The following FSTL1 variants were observed in gnomAD, a reference collection of about 807,000 sequenced individuals.
The protein encoded by FSTL1 is follistatin like 1.
Under a neutral mutation model 45.9 loss-of-function variants are expected in FSTL1, and 24 were observed. The ratio of observed to expected loss-of-function variants is 0.52; its 90% CI spans 0.38 to 0.74. The LOEUF (loss-of-function observed/expected upper bound fraction) is 0.74. Among genes scored for constraint, FSTL1 ranks in the 30% least tolerant of loss-of-function variants. The probability of loss-of-function intolerance (pLI) is 0.00; values close to 1 mark genes in which losing one functional copy is unlikely to be tolerated. For missense variants in FSTL1, 340 were observed against 381.8 expected (o/e 0.89, Z 0.91); for synonymous variants, 120 against 137.6 (o/e 0.87, Z 0.89).
chr3:120,413,990 C>T (rs1326066815), intron 3 of FSTL1, among the ~76,000 whole-genome samples: 2 of 151,914 alleles, frequency 1.3e-5, no homozygotes, highest in African/African-American at 4.8e-5. Flanking sequence ...GCTGTGTTGG[C>T]CAGGCCGGTC....
chr3:120,423,912 T>TCC (rs1225858043), intron 2 of FSTL1: 5,011 of 152,334 alleles, frequency 0.033, 178 homozygotes, highest in African/African-American at 0.091. Context: ...CTGCCCTGAA[T>TCC]TAGCTTGTTA....
chr3:120,403,430 C>T lies in FSTL1; in HGVS notation c.582-76G>A, dbSNP rs1936867352. 4 of 874,958 alleles carry T rather than the reference C, an allele frequency of 4.6e-6. No individual in the cohort carries two copies. The East Asian group carries it at 9.7e-5, about 21-fold the overall frequency. The allele number at this position is 874,958 out of a possible 1,614,324, so 54.2% of individuals were successfully genotyped here. On this transcript the variant is annotated intron_variant, in intron 7 of 10. Transcript: ENST00000295633. The stretch of plus-strand genomic sequence containing the variant: ...GAAGAAAGGAAGTAAGCATCAGGAC[C>T]ACATACACCCAGGGCCTCCACAGGA...
At chr3:120,399,516 C>T (rs935258524) in intron 10 of FSTL1, among the ~76,000 whole-genome samples, 3 of 152,166 alleles carry the variant, frequency 2.0e-5, no homozygotes, top group Admixed American at 2.0e-4. Context: ...ACAGAGCCTG[C>T]TTTCAGGAGC....
At chr3:120,434,760 C>T (rs1383842664) in intron 2 of FSTL1, among the ~76,000 whole-genome samples, 1 of 152,120 alleles carries the variant, frequency 6.6e-6, no homozygotes, top group African/African-American at 2.4e-5. Context: ...GAATTCAAGC[C>T]ATAACAACAA....
At chr3:120,434,532 T>C (rs1307525354) in intron 2 of FSTL1, among the ~76,000 whole-genome samples, 1 of 152,242 alleles carries the variant, frequency 6.6e-6, no homozygotes, top group Non-Finnish European at 1.5e-5. Flanking sequence ...GAAATATTTA[T>C]GGCCTTTTTT....
intron 3 of FSTL1, among the ~76,000 whole-genome samples, chr3:120,412,711 A>C (rs1053303703): frequency 6.6e-6 from 1 of 152,196 alleles, no homozygotes; most frequent in East Asian, 1.9e-4. Context: ...ATGTCTCAGA[A>C]GATCTAAGAT....
rs1936621319 is a variant in FSTL1 at position 120,392,974 on chromosome 3, C to G, written c.*3978G>C. 1 of 152,140 alleles carries G rather than the reference C, an allele frequency of 6.6e-6. No homozygotes were observed. 9.4% of individuals were successfully genotyped at this position (152,140 alleles called of 1,614,324 possible). A position where few individuals can be genotyped will look rare whatever the true frequency, so the allele number is the denominator to read the frequency against. ...AAGGAAACTTAGCTTCTGAATTATG[C>G]TTAGTTTAATAATGTTGCACTTCCT... On this transcript the variant is annotated 3_prime_UTR_variant, in exon 11 of 11. Transcript: ENST00000295633.
chr3:120,409,118 C>A (rs1427855076), intron 6 of FSTL1, among the ~76,000 whole-genome samples: 1 of 152,184 alleles, frequency 6.6e-6, no homozygotes, highest in Non-Finnish European at 1.5e-5. Context: ...CATTGGCAGT[C>A]AAGTTAATGA....
At chr3:120,425,220 G>A (rs1937356054) in intron 2 of FSTL1, among the ~76,000 whole-genome samples, 2 of 152,202 alleles carry the variant, frequency 1.3e-5, no homozygotes, top group Middle Eastern at 6.8e-3. Flanking sequence ...AATGGTATGA[G>A]AACTCTGACA....
intron 2 of FSTL1, 21 bp downstream of exon 2, chr3:120,450,663 A>G: frequency 7.1e-7 from 1 of 1,405,396 alleles, no homozygotes; most frequent in Non-Finnish European, 9.3e-7. Context: ...CCGAGTTCGG[A>G]CTCCTCGGCC....
At chr3:120,436,401 T>C (rs1039499257) in intron 2 of FSTL1, among the ~76,000 whole-genome samples, 2 of 152,140 alleles carry the variant, frequency 1.3e-5, no homozygotes, top group Non-Finnish European at 2.9e-5. Flanking sequence ...AGAAAGGAGA[T>C]TGAGAAACCC....
At chr3:120,410,643 A>G in intron 5 of FSTL1, 1 of 480,240 alleles carries the variant, frequency 2.1e-6, no homozygotes, top group South Asian at 1.8e-5. Context: ...CCATGACACG[A>G]GCATGTCTTA....
chr3:120,413,439 A>C (rs904883385), intron 3 of FSTL1, among the ~76,000 whole-genome samples: 2 of 152,102 alleles, frequency 1.3e-5, no homozygotes, highest in African/African-American at 4.8e-5. Context: ...TCAGGTTTCT[A>C]GATCCTAAGT....
rs1425614948 is a variant in FSTL1 at position 120,427,971 on chromosome 3, AG to A, written c.64-11945del. ...TAGAGATGAAGAGAAGCAAGTGAGA[AG>A]GCAGGAGAAACTGTGGAAATGGGCT... On this transcript the variant is annotated intron_variant, in intron 2 of 10. Transcript: ENST00000295633. Among the ~76,000 whole-genome samples the A allele has an allele frequency of 3.3e-5, 5 of 152,232 alleles. No homozygotes were observed. The East Asian group carries it at 9.7e-4, about 29-fold the overall frequency.
At chr3:120,443,857 A>T (rs992072787) in intron 2 of FSTL1, among the ~76,000 whole-genome samples, 1 of 149,940 alleles carries the variant, frequency 6.7e-6, no homozygotes, top group African/African-American at 2.5e-5. Flanking sequence ...CTCCAACCAA[A>T]GCAGGAAATG....
At chr3:120,435,545 T>G (rs1193458446) in intron 2 of FSTL1, among the ~76,000 whole-genome samples, 1 of 152,246 alleles carries the variant, frequency 6.6e-6, no homozygotes, top group African/African-American at 2.4e-5. Context: ...TCTCAGAGAC[T>G]GTCATGACTT....
At chr3:120,400,061 T>C (rs747084532) in intron 9 of FSTL1, 102 bp from the exon 10 acceptor site, 74 of 789,768 alleles carry the variant, frequency 9.4e-5, no homozygotes, top group Admixed American at 1.9e-4. Flanking sequence ...CCCATTTAAC[T>C]TGTGGAAGGA....
At chr3:120,399,657 C>A (rs373753891) in intron 10 of FSTL1, among the ~76,000 whole-genome samples, 1 of 152,194 alleles carries the variant, frequency 6.6e-6, no homozygotes, top group African/African-American at 2.4e-5. Flanking sequence ...AGCCACTCAC[C>A]GAGCTGTAAC....
chr3:120,417,569 C>T (rs1937208470), intron 2 of FSTL1, among the ~76,000 whole-genome samples: 1 of 152,194 alleles, frequency 6.6e-6, no homozygotes, highest in African/African-American at 2.4e-5. Context: ...TCCCAGAAGT[C>T]CGCGGGGATT....
Sources: gnomAD v4.1 joint callset for allele counts (sites outside exome capture counted in the v4.1 genomes callset) on GRCh38, gnomAD v4.1.1 for gene constraint, MANE v1.5 for transcripts, NCBI Gene and HGNC (gene_info 2026-07-23, HGNC 2026-07-21) for gene names.